WNK2: variants seen among roughly 807,000 people sequenced by gnomAD.
WNK2 encodes WNK lysine deficient protein kinase 2, also known as serine/threonine-protein kinase WNK2.
Under a neutral mutation model 192.1 loss-of-function variants are expected in WNK2, and 67 were observed. The ratio of observed to expected loss-of-function variants is 0.35; its 90% confidence interval spans 0.29 to 0.43. The LOEUF (loss-of-function observed/expected upper bound fraction) is 0.43, where lower values mean the gene tolerates loss of function less well. Ranked by LOEUF, WNK2 falls within the 20% of genes least tolerant of loss-of-function variation. The probability of loss-of-function intolerance (pLI) is 1.00; values close to 1 mark genes in which losing one functional copy is unlikely to be tolerated. For synonymous variants in WNK2, 1,439 were observed against 1,393.9 expected, an observed-to-expected ratio of 1.03 and a Z score of -0.72; for missense variants, 2,698 against 3,089.7, an observed-to-expected ratio of 0.87 and a Z score of 3.01.
intron 23 of WNK2, among the ~76,000 whole-genome samples, chr9:93,296,353 C>A (rs1850431005): frequency 8.7e-5 from 1 of 11,548 alleles, no homozygotes; most frequent in Admixed American, 9.1e-4. Flanking sequence ...CCTTAACCAT[C>A]CTCCCCTCAC....
intron 2 of WNK2, among the ~76,000 whole-genome samples, chr9:93,194,799 C>G (rs567831835): frequency 6.6e-6 from 1 of 152,192 alleles, no homozygotes; most frequent in East Asian, 1.9e-4. Context: ...AACTTGGAAG[C>G]AACCCAGATG....
intron 10 of WNK2, 141 bp downstream of exon 10, chr9:93,256,595 G>T: frequency 9.7e-7 from 1 of 1,026,064 alleles, no homozygotes; most frequent in Admixed American, 3.0e-5. Context: ...TGGTGTGCCT[G>T]AGGGATGGGA....
intron 11 of WNK2, among the ~76,000 whole-genome samples, chr9:93,258,367 G>C (rs1214997114): frequency 6.6e-6 from 1 of 152,234 alleles, no homozygotes. Context: ...AGCCAGCCAA[G>C]GTGGCTCAAA....
chr9:93,245,587 A>C (rs1480367203), intron 7 of WNK2, among the ~76,000 whole-genome samples: 1 of 152,210 alleles, frequency 6.6e-6, no homozygotes, highest in African/African-American at 2.4e-5. Context: ...GGCTTCTCTA[A>C]GTTGAGCTCC....
At chr9:93,317,380 TGA>T in intron 28 of WNK2, 138 bp from the exon 29 acceptor site, 1 of 747,242 alleles carries the variant, frequency 1.3e-6, no homozygotes, top group Non-Finnish European at 2.2e-6. Flanking sequence ...GTGTCAGCCC[TGA>T]GAGGGTGCCT....
Position 93,258,933 on chromosome 9 carries a change from G to T in WNK2, c.2385G>T (p.Met795Ile). The change falls in exon 12 of 30, where the codon ATG becomes ATT. Residue 795 changes from methionine (M) to isoleucine (I), a missense_variant and splice_region_variant. Met to Ile is a conservative substitution (Grantham distance 10, BLOSUM62 1). This residue lies in a region of WNK2 where 893 missense variants were observed against 909.0 expected (regional missense o/e 0.98). Coordinates refer to ENST00000427277, the MANE Select transcript of WNK2 (RefSeq NM_006648.4). ...LQPLAQVPPQMPPIPVVPPIT... is the reference protein window; with the variant it reads ...LQPLAQVPPQIPPIPVVPPIT... ...ACACACTCCTGTGTCTCTTTCAGATGCCCCCGATTCCTGTTGTGCCCCCCA... is the reference window on the plus strand; with the variant it reads ...ACACACTCCTGTGTCTCTTTCAGATTCCCCCGATTCCTGTTGTGCCCCCCA... 3.1e-6 allele frequency: 5 copies of T among 1,609,926 alleles called. No individual in the cohort carries two copies. The highest frequency in any genetic ancestry group is 4.2e-6 in the Non-Finnish European group (5 of 1,177,868).
At chr9:93,232,964 C>CAA (rs71511650) in intron 4 of WNK2, among the ~76,000 whole-genome samples, 33,074 of 82,032 alleles carry the variant, frequency 0.4, 7,730 homozygotes, top group Non-Finnish European at 0.49. Flanking sequence ...CCTGTCTCTA[C>CAA]AAAAAAAAAA....
At chr9:93,319,312 G>A (rs545053802) in intron 29 of WNK2, 4 of 1,440,368 alleles carry the variant, frequency 2.8e-6, no homozygotes, top group Non-Finnish European at 3.7e-6. Context: ...GGGCTCAGCT[G>A]CATCCACACC....
chr9:93,274,867 A>G (rs951299635), intron 19 of WNK2, among the ~76,000 whole-genome samples: 9 of 152,326 alleles, frequency 5.9e-5, no homozygotes, highest in East Asian at 1.9e-4. Flanking sequence ...CACCAATACC[A>G]CTTCCACAAA....
intron 2 of WNK2, among the ~76,000 whole-genome samples, chr9:93,215,179 T>C (rs1213534294): frequency 1.3e-5 from 2 of 152,188 alleles, no homozygotes; most frequent in East Asian, 1.9e-4. Flanking sequence ...TGGAGTGCAG[T>C]GGCGCGATCT....
chr9:93,297,297 C>T (rs1460619938), intron 23 of WNK2, among the ~76,000 whole-genome samples: 1 of 152,134 alleles, frequency 6.6e-6, no homozygotes, highest in African/African-American at 2.4e-5. Flanking sequence ...CAATGAGCCA[C>T]CTGCATTTCA....
intron 28 of WNK2, among the ~76,000 whole-genome samples, chr9:93,315,269 C>G (rs1336955772): frequency 6.6e-6 from 1 of 152,212 alleles, no homozygotes. Context: ...GTCTGCTCAA[C>G]TTTCATTTTT....
chr9:93,268,845 T>A, intron 19 of WNK2, 99 bp downstream of exon 19: 1 of 1,575,820 alleles, frequency 6.3e-7, no homozygotes. Context: ...CCCAGGTCCA[T>A]GCAGGGGGCT....
chr9:93,189,974 C>A (rs1214966406), intron 2 of WNK2, among the ~76,000 whole-genome samples: 1 of 152,222 alleles, frequency 6.6e-6, no homozygotes, highest in African/African-American at 2.4e-5. Context: ...TGGGGCAAGA[C>A]AATCAGAAGG....
At chr9:93,200,633 C>G (rs915368410) in intron 2 of WNK2, among the ~76,000 whole-genome samples, 3 of 152,214 alleles carry the variant, frequency 2.0e-5, no homozygotes, top group African/African-American at 7.2e-5. Flanking sequence ...TTGGGGAAAA[C>G]TGAGCCCAGA....
chr9:93,185,344 C>A lies in WNK2; in HGVS notation c.415C>A (p.Pro139Thr). 2 of 1,546,396 alleles carry A rather than the reference C, an allele frequency of 1.3e-6. No individual in the cohort carries two copies. Among genetic ancestry groups the A allele is most frequent in the Non-Finnish European group, 1.7e-6 (2 of 1,149,480 alleles). The change falls in exon 2 of 30, where the codon CCC becomes ACC. Residue 139 changes from proline (P) to threonine (T), a missense_variant. Pro to Thr is a conservative substitution (Grantham distance 38). Coordinates refer to ENST00000427277, the MANE Select transcript of WNK2 (RefSeq NM_006648.4). ...IAAAVETAPA[P>T]DGGPREEAAA... Reference sequence around the variant, plus strand: ...AGCCGCTGTCGAAACCGCGCCTGCCCCCGACGGCGGCCCCAGGGAGGAGGC... The same window carrying A: ...AGCCGCTGTCGAAACCGCGCCTGCCACCGACGGCGGCCCCAGGGAGGAGGC...
Position 93,297,966 on chromosome 9 carries a change from C to T in WNK2, c.5822C>T (p.Pro1941Leu), listed in dbSNP as rs369490816. The T allele has an allele frequency of 1.2e-5, 19 of 1,572,984 alleles. No individual in the cohort carries two copies. Among genetic ancestry groups the T allele is most frequent in the Non-Finnish European group, 1.6e-5 (18 of 1,160,558 alleles). ...AACGTGGGCTTCTTCCACACGGCAC[C>T]CCCCACTGGCCGCCGGAGAAAAACC... is the stretch of plus-strand genomic sequence containing the variant. ...PPNVGFFHTAPPTGRRRKTSK... is the reference protein window; with the variant it reads ...PPNVGFFHTALPTGRRRKTSK... Residue 1941 changes from proline to leucine, a missense_variant, in exon 24 of 30, where the codon CCC (proline) becomes CTC (leucine). Pro to Leu is a moderately conservative substitution (Grantham distance 98). Around this residue, in one of 7 missense-constraint regions of WNK2, gnomAD observed 1,098 missense variants for 1,101.0 expected, o/e 1.00. Coordinates refer to ENST00000427277, the MANE Select transcript of WNK2 (RefSeq NM_006648.4).
chr9:93,205,066 C>G (rs1833118414), intron 2 of WNK2, among the ~76,000 whole-genome samples: 1 of 152,190 alleles, frequency 6.6e-6, no homozygotes, highest in Non-Finnish European at 1.5e-5. Context: ...ATATTGGGCT[C>G]AGATCAGAGC....
rs1250751186 is a variant in WNK2, at chr9:93,292,898, C to A, written c.5433C>A (p.Asp1811Glu). 42 of 1,518,404 alleles carry A rather than the reference C, an allele frequency of 2.8e-5. No individual in the cohort carries two copies. Among genetic ancestry groups the A allele is most frequent in the Non-Finnish European group, 3.6e-5 (41 of 1,133,136 alleles). 94.1% of individuals were successfully genotyped at this position (1,518,404 alleles called of 1,614,324 possible). The change falls in exon 23 of 30, where the codon GAC becomes GAA. Residue 1811 changes from aspartate (D) to glutamate (E), a missense_variant. Asp to Glu is a conservative substitution (Grantham distance 45). Coordinates refer to ENST00000427277, the MANE Select transcript of WNK2 (RefSeq NM_006648.4). ...AGCCCGTGTCCAGCGACTCTGGGGACGAGGGCCCTCGGGCGAGACCCCCGG... is the reference window on the plus strand; with the variant it reads ...AGCCCGTGTCCAGCGACTCTGGGGAAGAGGGCCCTCGGGCGAGACCCCCGG... The part of the protein sequence containing the change: ...VGEPVSSDSG[D>E]EGPRARPPVQ...
Sources: allele counts gnomAD v4.1 joint callset (sites outside exome capture counted in the v4.1 genomes callset), GRCh38; gene constraint gnomAD v4.1.1; regional missense constraint gnomAD v4.1.1; transcripts MANE v1.5; gene names NCBI Gene and HGNC (gene_info 2026-07-23, HGNC 2026-07-21).